NREP: variants seen among roughly 807,000 people sequenced by gnomAD.
NREP encodes neuronal regeneration-related protein.
A neutral mutation model predicts 8.6 loss-of-function variants in NREP; 5 were observed. That is an observed-to-expected ratio of 0.58 (90% CI 0.30 to 1.22). The LOEUF is 1.22. Among genes scored for constraint, NREP ranks in the 50% most tolerant of loss-of-function variants. The pLI is 0.07. For synonymous variants in NREP, 27 were observed against 28.0 expected (o/e 0.96, Z 0.11); for missense variants, 86 against 82.5 (o/e 1.04, Z -0.17).
chr5:111,890,626 T>C (rs759351826), intron 2 of NREP, among the ~76,000 whole-genome samples: 101 of 152,252 alleles, frequency 6.6e-4, no homozygotes, highest in Non-Finnish European at 1.2e-4. Flanking sequence ...CCTCAATTGT[T>C]GTACTCTGTG....
intron 2 of NREP, among the ~76,000 whole-genome samples, chr5:111,936,193 GA>G: frequency 6.6e-6 from 1 of 152,050 alleles, no homozygotes; most frequent in East Asian, 1.9e-4. Context: ...ATCTCTTCTG[GA>G]ATGGTAATTC....
intron 2 of NREP, among the ~76,000 whole-genome samples, chr5:111,744,509 T>C (rs1749880403): frequency 2.0e-5 from 3 of 152,078 alleles, no homozygotes; most frequent in Admixed American, 2.0e-4. Context: ...ACTAAGAGGC[T>C]TCTAAGAAAA....
At chr5:111,763,989 C>T (rs757091020) in intron 2 of NREP, among the ~76,000 whole-genome samples, 12 of 152,108 alleles carry the variant, frequency 7.9e-5, no homozygotes, top group Non-Finnish European at 1.2e-4. Context: ...ACCAACCAAA[C>T]GGTGGATTAA....
At chr5:111,856,671 T>G (rs949697046) in intron 2 of NREP, among the ~76,000 whole-genome samples, 5 of 152,034 alleles carry the variant, frequency 3.3e-5, no homozygotes, top group Admixed American at 2.6e-4. Flanking sequence ...ACTGGTACCC[T>G]AAATAATCAC....
intron 2 of NREP, among the ~76,000 whole-genome samples, chr5:111,961,853 C>T (rs1339787386): frequency 6.6e-6 from 1 of 152,148 alleles, no homozygotes; most frequent in South Asian, 2.1e-4. Flanking sequence ...GGAGAGTTCA[C>T]GCCATTTATT....
At chr5:111,931,370 G>A (rs956278427) in intron 2 of NREP, among the ~76,000 whole-genome samples, 1 of 152,106 alleles carries the variant, frequency 6.6e-6, no homozygotes, top group African/African-American at 2.4e-5. Flanking sequence ...CAGACTGGTT[G>A]AAGCTAGCTG....
At chr5:111,935,137 C>A (rs1290817611) in intron 2 of NREP, among the ~76,000 whole-genome samples, 3 of 152,040 alleles carry the variant, frequency 2.0e-5, no homozygotes, top group Non-Finnish European at 4.4e-5. Context: ...CAATATTTCC[C>A]CACTGTCTCC....
intron 2 of NREP, among the ~76,000 whole-genome samples, chr5:111,777,038 G>A (rs1751380876): frequency 6.6e-6 from 1 of 150,830 alleles, no homozygotes; most frequent in Admixed American, 6.6e-5. Flanking sequence ...GAAGGAGGTG[G>A]AGGAGGAGGA....
chr5:111,764,096 A>G (rs1239699910), intron 2 of NREP, among the ~76,000 whole-genome samples: 2 of 152,236 alleles, frequency 1.3e-5, no homozygotes, highest in Non-Finnish European at 2.9e-5. Flanking sequence ...TAACTTAAGC[A>G]TCTTGACAGC....
At chr5:111,970,857 GA>G (rs1756797087) in intron 2 of NREP, among the ~76,000 whole-genome samples, 2 of 125,392 alleles carry the variant, frequency 1.6e-5, no homozygotes, top group South Asian at 5.7e-4. Context: ...AAAGAAAGAA[GA>G]AAAAAGAAGT....
At chr5:111,936,970 G>T (rs1490079901) in intron 2 of NREP, among the ~76,000 whole-genome samples, 3 of 151,942 alleles carry the variant, frequency 2.0e-5, no homozygotes, top group African/African-American at 7.2e-5. Context: ...CTCTCCTAAG[G>T]CCCCCAGAGA....
intron 2 of NREP, among the ~76,000 whole-genome samples, chr5:111,792,668 G>C (rs6594540): frequency 0.014 from 2,131 of 152,226 alleles, 60 homozygotes; most frequent in African/African-American, 0.049. Context: ...GCGACAGAAT[G>C]TGTAGAAAAA....
At chr5:111,738,822 T>C (rs1581045452) in intron 2 of NREP, 1 of 152,270 alleles carries the variant, frequency 6.6e-6, no homozygotes, top group Non-Finnish European at 1.5e-5. Context: ...CAGAGGCAAT[T>C]AAGTTAAAAT....
intron 2 of NREP, among the ~76,000 whole-genome samples, chr5:111,743,549 A>T (rs1299621930): frequency 6.6e-6 from 1 of 152,146 alleles, no homozygotes; most frequent in Non-Finnish European, 1.5e-5. Flanking sequence ...GACTTTTAAG[A>T]TATATTAAGA....
Position 111,965,100 on chromosome 5 carries a change from A to G in NREP, c.135+10174T>C, listed in dbSNP as rs1040941319. 5.3e-5 allele frequency among the ~76,000 whole-genome samples: 8 copies of G among 152,026 alleles called. No individual in the cohort carries two copies. In the South Asian group the frequency reaches 1.5e-3, roughly 28 times the overall value. On this transcript the variant is annotated intron_variant, in intron 2 of 3. Coordinates refer to the NREP transcript ENST00000395634. ...TTGCTCTCAGGCCAGGCCCCTCATA[A>G]TCATGAGATAGCTGCAACAGCTCCA...
chr5:111,955,477 A>G (rs371097072), intron 2 of NREP, among the ~76,000 whole-genome samples: 2 of 109,768 alleles, frequency 1.8e-5, no homozygotes, highest in East Asian at 4.8e-4. Context: ...CAGAAAAAAA[A>G]AAAACAAAAA....
intron 2 of NREP, among the ~76,000 whole-genome samples, chr5:111,951,310 G>A (rs1004233688): frequency 1.3e-5 from 2 of 151,904 alleles, no homozygotes; most frequent in African/African-American, 4.8e-5. Context: ...TCTATTACCA[G>A]CAATGTTGTT....
At chr5:111,819,057 T>A (rs1218671853) in intron 2 of NREP, among the ~76,000 whole-genome samples, 1 of 152,222 alleles carries the variant, frequency 6.6e-6, no homozygotes, top group African/African-American at 2.4e-5. Context: ...GCTCTCTTAT[T>A]CTTTGATTCT....
chr5:111,773,911 A>G (rs1340853969), intron 2 of NREP, among the ~76,000 whole-genome samples: 1 of 152,050 alleles, frequency 6.6e-6, no homozygotes, highest in Non-Finnish European at 1.5e-5. Context: ...GCTTATACCA[A>G]AAGACCACAC....
Sources: allele counts gnomAD v4.1 joint callset (sites outside exome capture counted in the v4.1 genomes callset), GRCh38; gene constraint gnomAD v4.1.1; transcripts MANE v1.5; gene names NCBI Gene and HGNC (gene_info 2026-07-23, HGNC 2026-07-21).